UMPS: variants seen among roughly 807,000 people sequenced by gnomAD.
The protein encoded by UMPS is uridine 5'-monophosphate synthase.
In UMPS, 21 loss-of-function variants were observed where a neutral mutation model predicts 38.9. That is an observed-to-expected ratio of 0.54 (90% confidence interval 0.38 to 0.78). The LOEUF is 0.78. Among genes scored for constraint, UMPS ranks in the 30% least tolerant of loss-of-function variants. The pLI is 0.00. For synonymous variants in UMPS, 208 were observed against 219.3 expected (o/e 0.95, Z 0.45); for missense variants, 533 against 591.6 (o/e 0.90, Z 1.03).
chr3:124,737,757 G>A lies in UMPS; in HGVS notation c.500G>A (p.Gly167Glu). ...QGGKDKLQAH[G>E]IRLHSVCTLS... ...GGCAAGGACAAGTTGCAGGCGCACG[G>A]GATCCGCCTCCACTCAGTGTGTACA... is the stretch of plus-strand genomic sequence containing the variant. Residue 167 changes from glycine to glutamate, a missense_variant, in exon 3 of 6, where the codon GGG becomes GAG. Physicochemically the swap from Gly to Glu is moderately conservative, Grantham distance 98. Transcript: ENST00000232607. The A allele has an allele frequency of 6.2e-7, 1 of 1,614,158 alleles. No homozygotes were observed. The highest frequency in any genetic ancestry group is 8.5e-7 in the Non-Finnish European group (1 of 1,180,028).
chr3:124,743,025 A>G (rs901072882), intron 5 of UMPS, among the ~76,000 whole-genome samples: 2 of 152,200 alleles, frequency 1.3e-5, no homozygotes, highest in African/African-American at 2.4e-5. Flanking sequence ...AAAAAATTAC[A>G]TGAAAAAATA....
In UMPS at chr3:124,746,329, G is replaced by A; in HGVS notation, c.*2245G>A. On this transcript the variant is annotated 3_prime_UTR_variant, in exon 6 of 6. Coordinates refer to ENST00000232607, the MANE Select transcript of UMPS (RefSeq NM_000373.4). ...AGAGTTTCTGCGTTAGCAGATTTGT[G>A]GTTTGCCCAGCAGCCTGGGCGTGTG... is the stretch of plus-strand genomic sequence containing the variant. The A allele has an allele frequency of 2.2e-6, 1 of 454,136 alleles. No individual in the cohort carries two copies. The highest frequency in any genetic ancestry group is 4.4e-6 in the Non-Finnish European group (1 of 226,796). 28.1% of individuals were successfully genotyped at this position (454,136 alleles called of 1,614,324 possible). A position where few individuals can be genotyped will look rare whatever the true frequency, so the allele number is the denominator to read the frequency against.
chr3:124,742,766 A>G (rs2063565371), intron 5 of UMPS: 1 of 163,736 alleles, frequency 6.1e-6, no homozygotes, highest in Admixed American at 5.8e-5. Context: ...TGACCACTTG[A>G]TGGGGTTCTT....
intron 2 of UMPS, among the ~76,000 whole-genome samples, chr3:124,736,106 C>T (rs534034969): frequency 1.3e-5 from 2 of 151,932 alleles, no homozygotes; most frequent in African/African-American, 4.8e-5. Flanking sequence ...ACGTTTGTCT[C>T]TACAAAAATA....
rs780894047 is a variant in UMPS, at chr3:124,745,164, A to G, written c.*1080A>G. ...ATTAGTAGAGGGGAGGTAAGCCTTC[A>G]TTAATAATAAAGAGAAAGCCCACAT... On this transcript the variant is annotated 3_prime_UTR_variant, in exon 6 of 6. Coordinates refer to ENST00000232607, the MANE Select transcript of UMPS (RefSeq NM_000373.4). 2 of 454,132 alleles carry G rather than the reference A, an allele frequency of 4.4e-6. No individual in the cohort carries two copies. The highest frequency in any genetic ancestry group is 1.6e-5 in the South Asian group (1 of 64,480). The allele number at this position is 454,132 out of a possible 1,614,324, so 28.1% of individuals were successfully genotyped here.
At chr3:124,742,114 C>A in intron 4 of UMPS, 38 bp from the exon 5 acceptor site, 3 of 1,350,154 alleles carry the variant, frequency 2.2e-6, no homozygotes, top group South Asian at 1.2e-5. Flanking sequence ...GTGTGATTAA[C>A]TGTTTTCTTA....
In UMPS at chr3:124,744,109, A is replaced by G; in HGVS notation, c.*25A>G. On this transcript the variant is annotated 3_prime_UTR_variant, in exon 6 of 6. Transcript: ENST00000232607. ...AGTGCTTCAGATACATTTTTCAGATACAATGTGAAGACATTGAAGATATGT... is the reference window on the plus strand; with the variant it reads ...AGTGCTTCAGATACATTTTTCAGATGCAATGTGAAGACATTGAAGATATGT... 1.2e-6 allele frequency: 2 copies of G among 1,613,418 alleles called. No individual in the cohort carries two copies. Among genetic ancestry groups the G allele is most frequent in the Non-Finnish European group, 1.7e-6 (2 of 1,179,570 alleles).
Position 124,744,578 on chromosome 3 carries a change from T to C in UMPS, c.*494T>C, listed in dbSNP as rs2063582715. The stretch of plus-strand genomic sequence containing the variant: ...CATGCACCACCACGTCCATCTAAAT[T>C]TCTTTATTATTTGTAGAGATGAGGT... On this transcript the variant is annotated 3_prime_UTR_variant, in exon 6 of 6. Coordinates refer to ENST00000232607, the MANE Select transcript of UMPS (RefSeq NM_000373.4). 2.2e-6 allele frequency: 1 copy of C among 453,936 alleles called. No individual in the cohort carries two copies. The allele number at this position is 453,936 out of a possible 1,614,324, so 28.1% of individuals were successfully genotyped here.
chr3:124,734,135 A>G (rs1159090065), intron 1 of UMPS, among the ~76,000 whole-genome samples: 2 of 152,230 alleles, frequency 1.3e-5, no homozygotes, highest in Non-Finnish European at 2.9e-5. Context: ...TTTTAGTACT[A>G]GAAATTACAT....
chr3:124,745,312 CCA>C lies in UMPS; in HGVS notation c.*1230_*1231del, dbSNP rs568994724. On this transcript the variant is annotated 3_prime_UTR_variant, in exon 6 of 6. Coordinates refer to ENST00000232607, the MANE Select transcript of UMPS (RefSeq NM_000373.4). ...AAGTGGCACAGGATCAGCCATTTCC[CCA>C]CCCTTGTCAGCTGATGGCCCACTGT... The C allele has an allele frequency of 3.2e-4, 146 of 454,026 alleles. 1 individual carries two copies. Among genetic ancestry groups the C allele is most frequent in the African/African-American group, 2.6e-3 (129 of 50,090 alleles). The allele number at this position is 454,026 out of a possible 1,614,324, so 28.1% of individuals were successfully genotyped here.
In UMPS at chr3:124,747,089, G is replaced by T. The variant is rs2063607404; in HGVS notation, c.*3005G>T. 2.2e-6 allele frequency: 1 copy of T among 453,604 alleles called. No individual in the cohort carries two copies. The highest frequency in any genetic ancestry group is 1.6e-5 in the South Asian group (1 of 64,414). 28.1% of individuals were successfully genotyped at this position (453,604 alleles called of 1,614,324 possible). A position where few individuals can be genotyped will look rare whatever the true frequency, so the allele number is the denominator to read the frequency against. On this transcript the variant is annotated 3_prime_UTR_variant, in exon 6 of 6. Coordinates refer to ENST00000232607, the MANE Select transcript of UMPS (RefSeq NM_000373.4). ...TCATGGCTCACTGCAACCTTGACTT[G>T]GGCTCAAGCGATCCGCTCAAGTAGC...
In UMPS at chr3:124,747,411, G is replaced by A. The variant is rs558538269; in HGVS notation, c.*3327G>A. 7 of 453,548 alleles carry A rather than the reference G, an allele frequency of 1.5e-5. No homozygotes were observed. Among genetic ancestry groups the A allele is most frequent in the East Asian group, 7.0e-5 (1 of 14,350 alleles). 28.1% of individuals were successfully genotyped at this position (453,548 alleles called of 1,614,324 possible). A position where few individuals can be genotyped will look rare whatever the true frequency, so the allele number is the denominator to read the frequency against. ...GGTGCAGTTCTCATCCAAAGTACCC[G>A]GTGGGTGGGAGTCACTCAGTACCAG... On this transcript the variant is annotated 3_prime_UTR_variant, in exon 6 of 6. Coordinates refer to ENST00000232607, the MANE Select transcript of UMPS (RefSeq NM_000373.4).
At chr3:124,735,458 C>CT (rs1162015079) in intron 2 of UMPS, among the ~76,000 whole-genome samples, 4 of 151,580 alleles carry the variant, frequency 2.6e-5, no homozygotes, top group South Asian at 2.1e-4. Context: ...ATGAAAAGTG[C>CT]TTTTTTTGGT....
In UMPS at chr3:124,730,549, C is replaced by T. The variant is rs2063467935; in HGVS notation, c.78C>T (p.Phe26=). ...TGCAGGCTTTCAAGTTTGGGGACTT[C>T]GTGCTGAAGAGCGGGCTTTCCTCCC... ...YDVQAFKFGD[F]VLKSGLSSPI... is the part of the protein sequence containing the mutation. Residue 26 remains phenylalanine, a synonymous_variant, in exon 1 of 6, where the codon TTC becomes TTT. Transcript: ENST00000232607. 6.2e-7 allele frequency: 1 copy of T among 1,613,866 alleles called. No homozygotes were observed. Among genetic ancestry groups the T allele is most frequent in the Non-Finnish European group, 8.5e-7 (1 of 1,179,902 alleles).
rs549550940 is a variant in UMPS at position 124,748,756 on chromosome 3, C to T, written c.*4672C>T. On this transcript the variant is annotated 3_prime_UTR_variant, in exon 6 of 6. Transcript: ENST00000232607. ...AGAGCAGGAAGATCCAGAGATCCCT[C>T]GCCCCAGCTCGGCCATGTGTGTCTG... 1.3e-4 allele frequency: 56 copies of T among 418,114 alleles called. No individual in the cohort carries two copies. The highest frequency in any genetic ancestry group is 8.7e-4 in the African/African-American group (43 of 49,212). The allele number at this position is 418,114 out of a possible 1,614,324, so 25.9% of individuals were successfully genotyped here.
Position 124,735,110 on chromosome 3 carries a change from C to T in UMPS, c.174C>T (p.Phe58=), listed in dbSNP as rs539724738. Residue 58 remains phenylalanine, a synonymous_variant, in exon 2 of 6, where the codon TTC becomes TTT. Transcript: ENST00000232607. ...RLLSQVADIL[F]QTAQNAGISF... Reference sequence around the variant, plus strand: ...TCTTACAGGTTGCAGATATTTTATTCCAAACTGCCCAAAATGCAGGCATCA... The same window carrying T: ...TCTTACAGGTTGCAGATATTTTATTTCAAACTGCCCAAAATGCAGGCATCA... The T allele has an allele frequency of 2.0e-5, 32 of 1,613,788 alleles. No individual in the cohort carries two copies. In the Admixed American group the frequency reaches 3.7e-4, roughly 18 times the overall value.
At position 124,746,546 on chromosome 3, in the gene UMPS, A is replaced by G. The variant is rs1405058433; in HGVS notation, c.*2462A>G. 2 of 453,960 alleles carry G rather than the reference A, an allele frequency of 4.4e-6. No homozygotes were observed. Among genetic ancestry groups the G allele is most frequent in the African/African-American group, 4.0e-5 (2 of 49,974 alleles). The allele number at this position is 453,960 out of a possible 1,614,324, so 28.1% of individuals were successfully genotyped here. ...GTTCTTCAGCATTGAAGTATTTTGG[A>G]GGCATTAGATAGTTTAACCCTTTCT... is the stretch of plus-strand genomic sequence containing the variant. On this transcript the variant is annotated 3_prime_UTR_variant, in exon 6 of 6. Transcript: ENST00000232607.
At position 124,749,039 on chromosome 3, in the gene UMPS, C is replaced by T. The variant is rs1029602833; in HGVS notation, c.*4955C>T. The stretch of plus-strand genomic sequence containing the variant: ...CTCCATAGTCCTGCCTCCAATGTCC[C>T]AACACTGCATTGTCTCCCTGCACTT... On this transcript the variant is annotated 3_prime_UTR_variant, in exon 6 of 6. Transcript: ENST00000232607. 2.2e-6 allele frequency: 1 copy of T among 454,048 alleles called. No homozygotes were observed. The highest frequency in any genetic ancestry group is 4.4e-6 in the Non-Finnish European group (1 of 226,778). The allele number at this position is 454,048 out of a possible 1,614,324, so 28.1% of individuals were successfully genotyped here.
intron 1 of UMPS, among the ~76,000 whole-genome samples, chr3:124,734,177 TTTG>T (rs909094014): frequency 1.3e-5 from 2 of 152,158 alleles, no homozygotes; most frequent in African/African-American, 4.8e-5. Context: ...ATAGTTTTTT[TTTG>T]TTTGTTTTTT....
Sources: allele counts gnomAD v4.1 joint callset (sites outside exome capture counted in the v4.1 genomes callset), GRCh38; gene constraint gnomAD v4.1.1; transcripts MANE v1.5; gene names NCBI Gene and HGNC (gene_info 2026-07-23, HGNC 2026-07-21).